The following ZNF679 variants were observed in gnomAD, a reference collection of about 807,000 sequenced individuals.
The protein encoded by ZNF679 is hypothetical protein MGC42415.
In ZNF679, 10 loss-of-function variants were observed where a neutral mutation model predicts 13.4. That is an observed-to-expected ratio of 0.75 (90% CI 0.46 to 1.27). The LOEUF is 1.27. Ranked by LOEUF, ZNF679 falls within the 50% of genes most tolerant of loss-of-function variation. ZNF679 has a pLI of 0.00. For synonymous variants in ZNF679, 179 were observed against 162.5 expected (o/e 1.10, Z -0.77); for missense variants, 525 against 477.8 (o/e 1.10, Z -0.92).
In ZNF679 at chr7:64,260,884, G is replaced by A; in HGVS notation, c.217G>A (p.Glu73Lys). The change falls in exon 4 of 5, where the codon GAG (glutamate) becomes AAG (lysine). Residue 73 changes from glutamate to lysine, a missense_variant. Physicochemically the swap from Glu to Lys is moderately conservative, Grantham distance 56. Coordinates refer to ENST00000421025, the MANE Select transcript of ZNF679 (RefSeq NM_153363.3). ...DLITCLEQNK[E>K]PWNIKRNEMV... ...GATCACCTGTCTGGAGCAAAATAAA[G>A]AGCCTTGGAATATAAAGAGAAATGA... The A allele has an allele frequency of 1.2e-6, 2 of 1,612,238 alleles. No homozygotes were observed. The highest frequency in any genetic ancestry group is 1.7e-5 in the Admixed American group (1 of 59,562).
chr7:64,259,821 G>A (rs1788051327), intron 2 of ZNF679, among the ~76,000 whole-genome samples: 1 of 151,978 alleles, frequency 6.6e-6, no homozygotes, highest in Non-Finnish European at 1.5e-5. Flanking sequence ...CCAGCTACTT[G>A]GGAAGCTGAG....
In ZNF679 at chr7:64,235,872, CAGAG is replaced by C. The variant is rs578145521; in HGVS notation, c.-91+7222_-91+7225del. Among the ~76,000 whole-genome samples the C allele has an allele frequency of 1.2e-3, 181 of 151,768 alleles. 3 individuals are homozygous for C. Among genetic ancestry groups the C allele is most frequent in the African/African-American group, 4.3e-3 (176 of 41,386 alleles). ...GAAGAAAAAGGAATAAAAATTAGAG[CAGAG>C]ATAGATTTCATAGATACTTAAAAGA... is the stretch of plus-strand genomic sequence containing the variant. On this transcript the variant is annotated intron_variant, in intron 1 of 4. Transcript: ENST00000421025.
intron 1 of ZNF679, among the ~76,000 whole-genome samples, chr7:64,233,026 A>C (rs2116506157): frequency 6.6e-6 from 1 of 152,264 alleles, no homozygotes. Flanking sequence ...AGATCGCCTG[A>C]GGTCAGGAGT....
At chr7:64,250,265 G>GTTTTTTTTTTT (rs11434714) in intron 2 of ZNF679, among the ~76,000 whole-genome samples, 2 of 91,318 alleles carry the variant, frequency 2.2e-5, no homozygotes, top group African/African-American at 8.7e-5. Flanking sequence ...CTTTCCCTTG[G>GTTTTTTTTTTT]TTTTTTTTTT....
chr7:64,265,963 A>C lies in ZNF679; in HGVS notation c.330A>C (p.Val110=), dbSNP rs113302066. ...ELGIKDSLQK[V]IPRRYGKSGH... ...GCATAAAAGATTCACTCCAAAAAGT[A>C]ATACCAAGAAGATATGGAAAAAGTG... The change falls in exon 5 of 5, where the codon GTA becomes GTC. Residue 110 remains valine, a synonymous_variant. Transcript: ENST00000421025. 3 of 1,613,898 alleles carry C rather than the reference A, an allele frequency of 1.9e-6. No individual in the cohort carries two copies.
intron 1 of ZNF679, 129 bp downstream of exon 1, chr7:64,228,781 G>T (rs918573417): frequency 2.6e-5 from 4 of 152,168 alleles, no homozygotes; most frequent in African/African-American, 9.7e-5. Flanking sequence ...GCTGAATCTT[G>T]GTCTCAGAGT....
At chr7:64,253,542 A>G (rs546274070) in intron 2 of ZNF679, among the ~76,000 whole-genome samples, 10 of 152,356 alleles carry the variant, frequency 6.6e-5, no homozygotes, top group Admixed American at 4.6e-4. Context: ...CTTACTTAAA[A>G]TAAAGGTGTT....
At chr7:64,261,218 G>T (rs1166466106) in intron 4 of ZNF679, among the ~76,000 whole-genome samples, 1 of 152,012 alleles carries the variant, frequency 6.6e-6, no homozygotes, top group Non-Finnish European at 1.5e-5. Flanking sequence ...CATTGTTTTG[G>T]GGGCATGCTA....
chr7:64,233,463 C>G (rs1353370582), intron 1 of ZNF679, among the ~76,000 whole-genome samples: 2 of 151,946 alleles, frequency 1.3e-5, no homozygotes, highest in African/African-American at 4.8e-5. Context: ...TGCACTCCAG[C>G]CTGGATGACA....
At chr7:64,251,621 C>T (rs1787945563) in intron 2 of ZNF679, among the ~76,000 whole-genome samples, 1 of 152,128 alleles carries the variant, frequency 6.6e-6, no homozygotes, top group South Asian at 2.1e-4. Context: ...TCTTCAGCCA[C>T]ACTTTAGGTT....
chr7:64,257,255 T>A (rs1447898170), intron 2 of ZNF679, among the ~76,000 whole-genome samples: 1 of 152,184 alleles, frequency 6.6e-6, no homozygotes, highest in African/African-American at 2.4e-5. Flanking sequence ...CTCCCTTAGC[T>A]GTGACCCAGA....
Position 64,237,729 on chromosome 7 carries a change from C to A in ZNF679, c.-91+9077C>A, listed in dbSNP as rs1262470844. Among the ~76,000 whole-genome samples, 3 of 152,186 alleles carry A rather than the reference C, an allele frequency of 2.0e-5. No individual in the cohort carries two copies. The East Asian group carries it at 5.8e-4, about 29-fold the overall frequency. ...CCCCAGTGCACACACCAGTGACGGG[C>A]ACCATGGGCCCATCTATGCCTATAA... On this transcript the variant is annotated intron_variant, in intron 1 of 4. Transcript: ENST00000421025.
chr7:64,245,446 A>AGAGAGAGAGAGAGAGG (rs1787856298), intron 1 of ZNF679, among the ~76,000 whole-genome samples: 1 of 149,860 alleles, frequency 6.7e-6, no homozygotes, highest in South Asian at 2.1e-4. Flanking sequence ...AGAGAGAGGG[A>AGAGAGAGAGAGAGAGG]GAGAGAGAGA....
At chr7:64,259,884 T>G (rs529653159) in intron 2 of ZNF679, among the ~76,000 whole-genome samples, 4 of 151,244 alleles carry the variant, frequency 2.6e-5, no homozygotes, top group African/African-American at 9.7e-5. Context: ...GCCAAGATCA[T>G]GCCACTGCAC....
chr7:64,245,426 A>AGAGAGAGAGAGAGAGAGAGAGAGG (rs1787855093), intron 1 of ZNF679, among the ~76,000 whole-genome samples: 1 of 148,390 alleles, frequency 6.7e-6, no homozygotes, highest in East Asian at 2.1e-4. Flanking sequence ...AGAGAAAGAG[A>AGAGAGAGAGAGAGAGAGAGAGAGG]GAGAGAGAGA....
At chr7:64,236,961 GAAAGAAAGAAAGAAAA>G (rs1337036241) in intron 1 of ZNF679, among the ~76,000 whole-genome samples, 126 of 47,594 alleles carry the variant, frequency 2.6e-3, no homozygotes, top group African/African-American at 0.011. Context: ...AAGAAAGAAA[GAAAGAAAGAAAGAAAA>G]AGAAAGAAAG....
chr7:64,252,900 T>C (rs932692204), intron 2 of ZNF679, among the ~76,000 whole-genome samples: 1 of 152,182 alleles, frequency 6.6e-6, no homozygotes, highest in Non-Finnish European at 1.5e-5. Flanking sequence ...GTATTTTCAG[T>C]AGGGACGGGG....
chr7:64,259,566 C>T (rs937702775), intron 2 of ZNF679, among the ~76,000 whole-genome samples: 13 of 152,254 alleles, frequency 8.5e-5, no homozygotes, highest in South Asian at 6.2e-4. Context: ...CTTAATGTTA[C>T]TATTAAAAAT....
At chr7:64,237,804 A>C in intron 1 of ZNF679, among the ~76,000 whole-genome samples, 1 of 152,202 alleles carries the variant, frequency 6.6e-6, no homozygotes, top group East Asian at 1.9e-4. Context: ...CTGAAGTTTA[A>C]TAATTTGATA....
Sources: gnomAD v4.1 joint callset for allele counts (sites outside exome capture counted in the v4.1 genomes callset) on GRCh38, gnomAD v4.1.1 for gene constraint, MANE v1.5 for transcripts, NCBI Gene and HGNC (gene_info 2026-07-23, HGNC 2026-07-21) for gene names.